Variants in RER1 observed in about 807,000 individuals in gnomAD.
RER1 encodes the protein retention in endoplasmic reticulum sorting receptor 1, also known as protein RER1.
RER1 carries 6 observed loss-of-function variants against 28.3 expected under a neutral mutation model. The observed-to-expected ratio is 0.21, with a 90% CI of 0.12 to 0.42. The LOEUF (loss-of-function observed/expected upper bound fraction) is 0.42. RER1 is among the 10% of genes least tolerant of loss of function. RER1 has a pLI of 1.00. For synonymous variants in RER1, 110 were observed against 95.9 expected (o/e 1.15, Z -0.86); for missense variants, 159 against 252.9 (o/e 0.63, Z 2.52).
chr1:2,395,451 A>G (rs1390704707), intron 1 of RER1: 1 of 347,426 alleles, frequency 2.9e-6, no homozygotes, highest in Non-Finnish European at 5.6e-6. Flanking sequence ...GCCACGTGCC[A>G]TGGACCAGCC....
rs1035812641 is a variant in RER1 at position 2,403,463 on chromosome 1, G to A, written c.*339G>A. 9.4e-6 allele frequency: 3 copies of A among 320,622 alleles called. No individual in the cohort carries two copies. Among genetic ancestry groups the A allele is most frequent in the South Asian group, 2.6e-5 (1 of 38,446 alleles). 19.9% of individuals were successfully genotyped at this position (320,622 alleles called of 1,614,324 possible). A position where few individuals can be genotyped will look rare whatever the true frequency, so the allele number is the denominator to read the frequency against. ...GGCAGGCAGGAGCAAGGCCTGCGAG[G>A]GAGGAACGGGCCGCTCCCCGCCAGC... On this transcript the variant is annotated 3_prime_UTR_variant, in exon 7 of 7. Transcript: ENST00000605895.
chr1:2,397,391 GGTT>G (rs1276714153), intron 3 of RER1, among the ~76,000 whole-genome samples, 171 bp downstream of exon 3: 1 of 152,200 alleles, frequency 6.6e-6, no homozygotes, highest in Non-Finnish European at 1.5e-5. Flanking sequence ...TAACGAACAG[GGTT>G]GTTTATGATT....
chr1:2,402,402 T>C, intron 6 of RER1, 60 bp downstream of exon 6: 3 of 1,608,076 alleles, frequency 1.9e-6, no homozygotes, highest in Non-Finnish European at 2.5e-6. Context: ...CCCGCAGCAT[T>C]GGGGGAGCTG....
intron 1 of RER1, among the ~76,000 whole-genome samples, chr1:2,392,699 A>G (rs969219712): frequency 2.0e-5 from 3 of 152,188 alleles, no homozygotes; most frequent in African/African-American, 7.2e-5. Flanking sequence ...ATTTCCCAGG[A>G]AGATGCAGTT....
chr1:2,403,866 T>C lies in RER1; in HGVS notation c.*742T>C, dbSNP rs1642913670. Reference sequence around the variant, plus strand: ...GCAGCGAAGCTGGCAGGGAGCAGACTGGCTTTGTAGGTTCAGCACTCGGCC... The same window carrying C: ...GCAGCGAAGCTGGCAGGGAGCAGACCGGCTTTGTAGGTTCAGCACTCGGCC... On this transcript the variant is annotated 3_prime_UTR_variant, in exon 7 of 7. Coordinates refer to ENST00000605895, the MANE Select transcript of RER1 (RefSeq NM_007033.5). The C allele has an allele frequency of 6.6e-6, 1 of 152,500 alleles. No individual in the cohort carries two copies. The highest frequency in any genetic ancestry group is 2.4e-5 in the African/African-American group (1 of 41,462). The allele number at this position is 152,500 out of a possible 1,614,324, so 9.4% of individuals were successfully genotyped here.
intron 5 of RER1, chr1:2,401,968 TAAG>T (rs1419476697): frequency 3.7e-5 from 53 of 1,447,128 alleles, no homozygotes; most frequent in Non-Finnish European, 4.6e-5. Flanking sequence ...TGTGTAGTTT[TAAG>T]AAGAATTGTG....
At position 2,403,130 on chromosome 1, in the gene RER1, G is replaced by A. The variant is rs1570088552; in HGVS notation, c.*6G>A. 1.9e-6 allele frequency: 3 copies of A among 1,611,262 alleles called. No homozygotes were observed. The highest frequency in any genetic ancestry group is 1.3e-5 in the African/African-American group (1 of 74,880). ...GCAAGGCCTTCGCCAGCTAGAAGCG[G>A]GACTGAGGCTGCCTCACGTGTTGCA... is the stretch of plus-strand genomic sequence containing the variant. On this transcript the variant is annotated 3_prime_UTR_variant, in exon 7 of 7. Transcript: ENST00000605895.
In RER1 at chr1:2,400,952, C is replaced by T. The variant is rs12037485; in HGVS notation, c.365+17C>T. 0.44 allele frequency: 696,786 copies of T among 1,595,620 alleles called. 156,014 individuals carry two copies. The highest frequency in any genetic ancestry group is 0.46 in the Non-Finnish European group (533,140 of 1,163,322). On this transcript the variant is annotated intron_variant, in intron 5 of 6. Transcript: ENST00000605895. Reference sequence around the variant, plus strand: ...TAAATTTTGGTGAGCTAATTCTTCACGGTATTTGAAGAGAATTGTGCTCAA... The same window carrying T: ...TAAATTTTGGTGAGCTAATTCTTCATGGTATTTGAAGAGAATTGTGCTCAA...
At chr1:2,402,404 G>T (rs1234524537) in intron 6 of RER1, 62 bp downstream of exon 6, 1 of 1,606,892 alleles carries the variant, frequency 6.2e-7, no homozygotes, top group Non-Finnish European at 8.5e-7. Flanking sequence ...CGCAGCATTG[G>T]GGGAGCTGTG....
intron 5 of RER1, chr1:2,401,948 C>G: frequency 7.1e-7 from 1 of 1,405,096 alleles, no homozygotes; most frequent in Non-Finnish European, 9.5e-7. Flanking sequence ...AGTACTGATG[C>G]TTTATACTTT....
intron 3 of RER1, among the ~76,000 whole-genome samples, chr1:2,397,440 C>A (rs1338044536): frequency 6.6e-6 from 1 of 152,142 alleles, no homozygotes; most frequent in Non-Finnish European, 1.5e-5. Context: ...CTCAGTATAC[C>A]CAGGCCGTCC....
chr1:2,392,501 C>T (rs1044851614), intron 1 of RER1, among the ~76,000 whole-genome samples: 5 of 152,232 alleles, frequency 3.3e-5, no homozygotes, highest in African/African-American at 4.8e-5. Context: ...ATAAATTCTC[C>T]AGGCTGACTT....
intron 1 of RER1, chr1:2,395,455 A>G (rs879638011): frequency 5.7e-6 from 2 of 352,898 alleles, no homozygotes; most frequent in Admixed American, 3.9e-5. Flanking sequence ...CGTGCCATGG[A>G]CCAGCCAGTG....
chr1:2,393,836 T>C (rs751523723), intron 1 of RER1, among the ~76,000 whole-genome samples: 9 of 152,264 alleles, frequency 5.9e-5, no homozygotes, highest in Non-Finnish European at 1.3e-4. Flanking sequence ...GGTATACGTG[T>C]TGTGTGTGTC....
chr1:2,396,019 A>C, intron 2 of RER1, 148 bp downstream of exon 2: 2 of 681,826 alleles, frequency 2.9e-6, no homozygotes, highest in Non-Finnish European at 5.3e-6. Flanking sequence ...CGTTCTCTTC[A>C]CTGTGAAGGG....
At chr1:2,393,106 G>C (rs919077203) in intron 1 of RER1, 1 of 3,496 alleles carries the variant, frequency 2.9e-4, no homozygotes, top group African/African-American at 1.3e-3. Context: ...GAATGTGACG[G>C]GCCTGGAACA....
rs1354890827 is a variant in RER1, at chr1:2,403,720, G to C, written c.*596G>C. ...TTAACTACCATGATTGCTTTTGAGG[G>C]CCCGGAATTATAAATATATATTATA... On this transcript the variant is annotated 3_prime_UTR_variant, in exon 7 of 7. Coordinates refer to ENST00000605895, the MANE Select transcript of RER1 (RefSeq NM_007033.5). The C allele has an allele frequency of 6.6e-6, 1 of 152,602 alleles. No individual in the cohort carries two copies. Among genetic ancestry groups the C allele is most frequent in the Non-Finnish European group, 1.5e-5 (1 of 68,052 alleles). 9.5% of individuals were successfully genotyped at this position (152,602 alleles called of 1,614,324 possible). A position where few individuals can be genotyped will look rare whatever the true frequency, so the allele number is the denominator to read the frequency against.
At chr1:2,396,319 C>T (rs868710725) in intron 2 of RER1, 72 of 166,682 alleles carry the variant, frequency 4.3e-4, no homozygotes, top group African/African-American at 1.5e-3. Context: ...AGTGAGGGAC[C>T]TAGAGCTGCC....
At position 2,403,199 on chromosome 1, in the gene RER1, ATAAAG is replaced by A; in HGVS notation, c.*78_*82del. ...TGTTAACAATGCCTTTTTTCTTCAC[ATAAAG>A]TAGTTGATTACGAGGGAGTCAAATT... On this transcript the variant is annotated 3_prime_UTR_variant, in exon 7 of 7. Coordinates refer to ENST00000605895, the MANE Select transcript of RER1 (RefSeq NM_007033.5). 2 of 1,145,466 alleles carry A rather than the reference ATAAAG, an allele frequency of 1.7e-6. No homozygotes were observed. Among genetic ancestry groups the A allele is most frequent in the East Asian group, 2.4e-5 (1 of 42,456 alleles). The allele number at this position is 1,145,466 out of a possible 1,614,324, so 71.0% of individuals were successfully genotyped here.
Sources: gnomAD v4.1 joint callset for allele counts (sites outside exome capture counted in the v4.1 genomes callset) on GRCh38, gnomAD v4.1.1 for gene constraint, MANE v1.5 for transcripts, NCBI Gene and HGNC (gene_info 2026-07-23, HGNC 2026-07-21) for gene names.